Variants in DNAH11 observed in about 807,000 individuals in gnomAD.
The protein encoded by DNAH11 is axonemal beta dynein heavy chain 11.
DNAH11 carries 442 observed loss-of-function variants against 526.0 expected under a neutral mutation model. That is an observed-to-expected ratio of 0.84 (90% CI 0.78 to 0.91). The LOEUF is 0.91. Ranked by LOEUF, DNAH11 falls within the 40% of genes least tolerant of loss-of-function variation. The probability of loss-of-function intolerance (pLI) is 0.00; values close to 1 mark genes in which losing one functional copy is unlikely to be tolerated. For missense variants in DNAH11, 6,989 were observed against 5,448.7 expected (o/e 1.28, Z -8.90); for synonymous variants, 2,461 against 1,935.9 (o/e 1.27, Z -7.12).
rs757419040 is a variant in DNAH11, at chr7:21,808,029, G to T, written c.10312G>T (p.Val3438Phe). ...CCAGGAGCTGGTGCACTGCAAGTGGGTTCCCTTTCTTCAACAGAAGGTAAG... is the reference window on the plus strand; with the variant it reads ...CCAGGAGCTGGTGCACTGCAAGTGGTTTCCCTTTCTTCAACAGAAGGTAAG... ...YRQELVHCKW[V>F]PFLQQKVSIP... The change falls in exon 63 of 82, where the codon GTT becomes TTT. Residue 3438 changes from valine (V) to phenylalanine (F), a missense_variant. Val to Phe is a conservative substitution (Grantham distance 50, BLOSUM62 -1). Transcript: ENST00000409508. 3.2e-6 allele frequency: 5 copies of T among 1,549,164 alleles called. No homozygotes were observed. The highest frequency in any genetic ancestry group is 1.8e-4 in the Middle Eastern group (1 of 5,424).
At chr7:21,881,133 A>C (rs1783910330) in intron 75 of DNAH11, among the ~76,000 whole-genome samples, 1 of 152,180 alleles carries the variant, frequency 6.6e-6, no homozygotes, top group Non-Finnish European at 1.5e-5. Flanking sequence ...GTAAAAAAAA[A>C]CAAAAAATGT....
At chr7:21,751,140 A>G (rs557241628) in intron 54 of DNAH11, among the ~76,000 whole-genome samples, 3 of 152,270 alleles carry the variant, frequency 2.0e-5, no homozygotes, top group East Asian at 3.9e-4. Flanking sequence ...CCTGGCCAAC[A>G]TGATGAAACC....
intron 25 of DNAH11, among the ~76,000 whole-genome samples, chr7:21,620,505 G>C (rs1162603846): frequency 1.3e-5 from 2 of 151,544 alleles, no homozygotes; most frequent in Non-Finnish European, 2.9e-5. Flanking sequence ...GGCTTATTTT[G>C]CTTAGCACTG....
At chr7:21,596,757 A>C (rs1337282650) in intron 14 of DNAH11, among the ~76,000 whole-genome samples, 1 of 152,210 alleles carries the variant, frequency 6.6e-6, no homozygotes, top group East Asian at 1.9e-4. Flanking sequence ...TAATAAATGG[A>C]TTCTCCTATT....
intron 79 of DNAH11, among the ~76,000 whole-genome samples, chr7:21,897,778 G>C (rs554363423): frequency 6.6e-6 from 1 of 151,968 alleles, no homozygotes. Context: ...CACCATGCCC[G>C]GCCAACTTTG....
At chr7:21,770,444 G>C (rs944679350) in intron 55 of DNAH11, among the ~76,000 whole-genome samples, 1 of 152,144 alleles carries the variant, frequency 6.6e-6, no homozygotes, top group South Asian at 2.1e-4. Context: ...CACTCAGAAA[G>C]TTTTGGCTTT....
At chr7:21,772,782 A>G (rs967931305) in intron 55 of DNAH11, among the ~76,000 whole-genome samples, 1 of 152,176 alleles carries the variant, frequency 6.6e-6, no homozygotes, top group Admixed American at 6.5e-5. Flanking sequence ...GATGTTGGAA[A>G]GTTGATTGTT....
intron 36 of DNAH11, among the ~76,000 whole-genome samples, chr7:21,699,465 T>A (rs948318024): frequency 6.6e-6 from 1 of 152,176 alleles, no homozygotes; most frequent in Non-Finnish European, 1.5e-5. Flanking sequence ...TATTCTGTAG[T>A]CAAAATGAAA....
chr7:21,616,305 ACTGT>A lies in DNAH11; in HGVS notation c.4095+16_4095+19del. ...AAGGTTTGCCAAGGCGAGTTCCATA[ACTGT>A]CTATTACAACAATTTATCTTTCTCA... is the stretch of plus-strand genomic sequence containing the variant. On this transcript the variant is annotated intron_variant, in intron 22 of 81. Coordinates refer to ENST00000409508, the MANE Select transcript of DNAH11 (RefSeq NM_001277115.2). The A allele has an allele frequency of 6.3e-7, 1 of 1,598,038 alleles. No homozygotes were observed. The highest frequency in any genetic ancestry group is 8.6e-7 in the Non-Finnish European group (1 of 1,168,280).
chr7:21,714,599 T>G (rs536755060), intron 42 of DNAH11, among the ~76,000 whole-genome samples: 1 of 152,332 alleles, frequency 6.6e-6, no homozygotes, highest in Admixed American at 6.5e-5. Flanking sequence ...AACCCAATTT[T>G]CCAAGCGAAT....
At chr7:21,868,597 C>T (rs1015257333) in intron 72 of DNAH11, among the ~76,000 whole-genome samples, 2 of 152,200 alleles carry the variant, frequency 1.3e-5, no homozygotes, top group Admixed American at 6.5e-5. Context: ...ATAACAATGC[C>T]TGCCATCTAT....
At chr7:21,759,579 A>G (rs1480299652) in intron 54 of DNAH11, among the ~76,000 whole-genome samples, 1 of 152,160 alleles carries the variant, frequency 6.6e-6, no homozygotes, top group African/African-American at 2.4e-5. Flanking sequence ...TTCTTGAAAA[A>G]TACTGAGGCT....
chr7:21,626,959 C>G lies in DNAH11; in HGVS notation c.4500+6881C>G, dbSNP rs187675871. 2.5e-3 allele frequency among the ~76,000 whole-genome samples: 384 copies of G among 151,988 alleles called. 2 individuals carry two copies. The highest frequency in any genetic ancestry group is 8.7e-3 in the African/African-American group (361 of 41,470). ...TAGAGATGGGGTTTCACTGTGTTAGCCAGGATGGTCTCGATCTCCTGACCT... is the reference window on the plus strand; with the variant it reads ...TAGAGATGGGGTTTCACTGTGTTAGGCAGGATGGTCTCGATCTCCTGACCT... On this transcript the variant is annotated intron_variant, in intron 25 of 81. Coordinates refer to ENST00000409508, the MANE Select transcript of DNAH11 (RefSeq NM_001277115.2).
At chr7:21,873,618 C>T (rs1386332793) in intron 74 of DNAH11, 117 bp downstream of exon 74, 5 of 982,372 alleles carry the variant, frequency 5.1e-6, no homozygotes, top group East Asian at 5.1e-5. Flanking sequence ...TCTTAATGTT[C>T]GCATGTGGAA....
chr7:21,768,849 A>G (rs1787297881), intron 55 of DNAH11, among the ~76,000 whole-genome samples: 1 of 152,170 alleles, frequency 6.6e-6, no homozygotes, highest in Non-Finnish European at 1.5e-5. Context: ...ATAAGACAAC[A>G]TTTTGTCAGT....
chr7:21,709,783 T>C (rs1168667834), intron 40 of DNAH11, among the ~76,000 whole-genome samples: 1 of 152,124 alleles, frequency 6.6e-6, no homozygotes, highest in Non-Finnish European at 1.5e-5. Context: ...TCAGTGACTA[T>C]TAGAAAAGTT....
At chr7:21,607,811 G>A (rs1421188711) in intron 20 of DNAH11, among the ~76,000 whole-genome samples, 2 of 151,752 alleles carry the variant, frequency 1.3e-5, no homozygotes, top group East Asian at 3.9e-4. Context: ...GGTGGTGGGT[G>A]CCTGTAGTCC....
In DNAH11 at chr7:21,800,015, C is replaced by T. The variant is rs75082293; in HGVS notation, c.10027-1122C>T. ...TTTTTGTCTATAAGTTATATGAGCT[C>T]ATTCAAAATACCTTAGTCAAAAAAG... On this transcript the variant is annotated intron_variant, in intron 61 of 81. Coordinates refer to ENST00000409508, the MANE Select transcript of DNAH11 (RefSeq NM_001277115.2). Among the ~76,000 whole-genome samples, 1,224 of 152,236 alleles carry T rather than the reference C, an allele frequency of 8.0e-3. 17 individuals carry two copies. Among genetic ancestry groups the T allele is most frequent in the African/African-American group, 0.028 (1,150 of 41,550 alleles).
chr7:21,804,333 T>A (rs982160949), intron 62 of DNAH11, among the ~76,000 whole-genome samples: 2 of 152,062 alleles, frequency 1.3e-5, no homozygotes, highest in Admixed American at 6.5e-5. Context: ...ATGGTCTCGA[T>A]CTCTTGACCT....
Sources: allele counts gnomAD v4.1 joint callset (sites outside exome capture counted in the v4.1 genomes callset), GRCh38; gene constraint gnomAD v4.1.1; transcripts MANE v1.5; gene names NCBI Gene and HGNC (gene_info 2026-07-23, HGNC 2026-07-21).